The following MARCO variants were observed in gnomAD, a reference collection of about 807,000 sequenced individuals.
The protein encoded by MARCO is macrophage receptor MARCO.
Under a neutral mutation model 70.0 loss-of-function variants are expected in MARCO, and 72 were observed. The observed-to-expected ratio is 1.03, with a 90% CI of 0.85 to 1.25. The LOEUF is 1.25. Ranked by LOEUF, MARCO falls within the 50% of genes most tolerant of loss-of-function variation. The pLI is 0.00. For synonymous variants in MARCO, 273 were observed against 243.1 expected, an observed-to-expected ratio of 1.12 and a Z score of -1.14; for missense variants, 696 against 659.3, an observed-to-expected ratio of 1.06 and a Z score of -0.61.
intron 1 of MARCO, among the ~76,000 whole-genome samples, chr2:118,954,803 C>T (rs1199479349): frequency 6.6e-6 from 1 of 152,026 alleles, no homozygotes; most frequent in Non-Finnish European, 1.5e-5. Context: ...GGTGACTAGA[C>T]CCAGAAGAGA....
At chr2:118,960,566 G>A (rs76048532) in intron 1 of MARCO, among the ~76,000 whole-genome samples, 1 of 151,916 alleles carries the variant, frequency 6.6e-6, no homozygotes, top group Admixed American at 6.6e-5. Flanking sequence ...CTAATTTTAT[G>A]GTTTTTCTTC....
intron 1 of MARCO, among the ~76,000 whole-genome samples, chr2:118,964,903 A>G (rs983665215): frequency 3.4e-5 from 5 of 148,818 alleles, no homozygotes; most frequent in Middle Eastern, 3.3e-3. Flanking sequence ...AAAAAAAAAA[A>G]GTATTCCTTT....
chr2:118,961,837 T>C (rs987257056), intron 1 of MARCO, among the ~76,000 whole-genome samples: 3 of 152,172 alleles, frequency 2.0e-5, no homozygotes, highest in Non-Finnish European at 4.4e-5. Context: ...TCTTCCAGGG[T>C]TTTTATAGTT....
At chr2:118,976,149 G>A (rs962556314) in intron 6 of MARCO, among the ~76,000 whole-genome samples, 4 of 152,164 alleles carry the variant, frequency 2.6e-5, no homozygotes, top group Non-Finnish European at 4.4e-5. Flanking sequence ...CTTCTCTTTA[G>A]GACTCTGACA....
At chr2:118,953,182 T>C (rs1484523465) in intron 1 of MARCO, among the ~76,000 whole-genome samples, 1 of 152,088 alleles carries the variant, frequency 6.6e-6, no homozygotes, top group Non-Finnish European at 1.5e-5. Flanking sequence ...AAGGAAACAA[T>C]AACATTTCCA....
chr2:118,986,175 C>A (rs1203469622), intron 12 of MARCO, among the ~76,000 whole-genome samples: 1 of 152,136 alleles, frequency 6.6e-6, no homozygotes. Flanking sequence ...TTGCAGAAGT[C>A]TACACATACC....
At chr2:118,976,000 T>G (rs1680275526) in intron 6 of MARCO, among the ~76,000 whole-genome samples, 1 of 152,110 alleles carries the variant, frequency 6.6e-6, no homozygotes, top group South Asian at 2.1e-4. Context: ...TCCATCCTCT[T>G]TCCTCCGAGA....
Position 118,977,898 on chromosome 2 carries a change from T to C in MARCO, c.729T>C (p.Thr243=), listed in dbSNP as rs1680317222. 1 of 1,611,768 alleles carries C rather than the reference T, an allele frequency of 6.2e-7. No homozygotes were observed. The highest frequency in any genetic ancestry group is 8.5e-7 in the Non-Finnish European group (1 of 1,179,100). The part of the protein sequence containing the change: ...DGGLIGPKGE[T]GTKGEKGDLG... Reference sequence around the variant, plus strand: ...GTCTCATTGGCCCAAAAGGGGAAACTGGAACTAAGGGAGAGAAAGGAGACC... The same window carrying C: ...GTCTCATTGGCCCAAAAGGGGAAACCGGAACTAAGGGAGAGAAAGGAGACC... The change falls in exon 8 of 17, where the codon ACT becomes ACC. Residue 243 remains threonine, a synonymous_variant. Coordinates refer to ENST00000327097, the MANE Select transcript of MARCO (RefSeq NM_006770.4).
intron 12 of MARCO, among the ~76,000 whole-genome samples, chr2:118,986,927 G>A (rs559461635): frequency 6.6e-5 from 10 of 152,148 alleles, no homozygotes; most frequent in Admixed American, 5.2e-4. Flanking sequence ...GCTACTTGAC[G>A]TTGCTGAGCC....
At chr2:118,971,196 A>C (rs1027184043) in intron 3 of MARCO, among the ~76,000 whole-genome samples, 1 of 152,012 alleles carries the variant, frequency 6.6e-6, no homozygotes, top group African/African-American at 2.4e-5. Context: ...GACCAATACG[A>C]AGGGGTTCTA....
At position 118,972,102 on chromosome 2, in the gene MARCO, A is replaced by G. The variant is rs192452079; in HGVS notation, c.460+568A>G. Among the ~76,000 whole-genome samples, 612 of 152,320 alleles carry G rather than the reference A, an allele frequency of 4.0e-3. 1 individual carries two copies. Among genetic ancestry groups the G allele is most frequent in the Non-Finnish European group, 7.0e-3 (479 of 68,022 alleles). On this transcript the variant is annotated intron_variant, in intron 4 of 16. Transcript: ENST00000327097. ...GCCCCAGCCACTCACCTGTGTAGGAAGCAGTGGAGATAATCGACTCGCCTC... is the reference window on the plus strand; with the variant it reads ...GCCCCAGCCACTCACCTGTGTAGGAGGCAGTGGAGATAATCGACTCGCCTC...
At chr2:118,974,606 GT>G (rs746367485) in intron 6 of MARCO, 41 bp downstream of exon 6, 27 of 1,584,704 alleles carry the variant, frequency 1.7e-5, no homozygotes, top group Non-Finnish European at 2.1e-5. Context: ...TACACAGCAA[GT>G]TTCTCAGAGT....
intron 1 of MARCO, among the ~76,000 whole-genome samples, chr2:118,950,765 T>C (rs550820219): frequency 1.3e-5 from 2 of 152,002 alleles, no homozygotes; most frequent in South Asian, 2.1e-4. Flanking sequence ...ATTTACCATA[T>C]AACATTCCTT....
chr2:118,993,494 G>A (rs1680663671), intron 16 of MARCO, among the ~76,000 whole-genome samples, 194 bp downstream of exon 16: 1 of 152,318 alleles, frequency 6.6e-6, no homozygotes, highest in East Asian at 1.9e-4. Context: ...CAGAAAGATG[G>A]CCTGTCTTCT....
In MARCO at chr2:118,982,266, G is replaced by A. The variant is rs769862503; in HGVS notation, c.1000+12G>A. 3.7e-6 allele frequency: 6 copies of A among 1,611,626 alleles called. No homozygotes were observed. The highest frequency in any genetic ancestry group is 1.1e-5 in the South Asian group (1 of 91,026). On this transcript the variant is annotated intron_variant, in intron 11 of 16. Transcript: ENST00000327097. ...CCCTGGGCGAGCAGGTGAGGTCCTG[G>A]GTCCTATGGTGGGCACAGGGAGTGA...
At chr2:118,983,768 C>T (rs1012205550) in intron 12 of MARCO, among the ~76,000 whole-genome samples, 1 of 152,086 alleles carries the variant, frequency 6.6e-6, no homozygotes, top group Non-Finnish European at 1.5e-5. Context: ...GAGATGATTG[C>T]TTTCATCTCT....
At chr2:118,960,237 T>G (rs550981794) in intron 1 of MARCO, among the ~76,000 whole-genome samples, 7 of 152,262 alleles carry the variant, frequency 4.6e-5, no homozygotes, top group Middle Eastern at 3.4e-3. Flanking sequence ...CTTTCCAAAC[T>G]GTATGCCTTT....
Position 118,977,850 on chromosome 2 carries a change from G to T in MARCO, c.681G>T (p.Glu227Asp), listed in dbSNP as rs759181991. The T allele has an allele frequency of 2.0e-5, 33 of 1,613,010 alleles. No individual in the cohort carries two copies. The highest frequency in any genetic ancestry group is 2.8e-5 in the Non-Finnish European group (33 of 1,179,594). The change falls in exon 8 of 17, where the codon GAG (glutamate) becomes GAT (aspartate). Residue 227 changes from glutamate to aspartate, a missense_variant. Transcript: ENST00000327097. ...CAGGCACCCCAGGACCCCAAGGAGA[G>T]AAGGGCAGCAAAGGCGATGGGGGTC... ...GATGTPGPQG[E>D]KGSKGDGGLI...
chr2:118,959,277 C>G (rs1679896651), intron 1 of MARCO, among the ~76,000 whole-genome samples: 1 of 151,900 alleles, frequency 6.6e-6, no homozygotes. Context: ...ACAACAAACT[C>G]AAACAAATCA....
Sources: gnomAD v4.1 joint callset for allele counts (sites outside exome capture counted in the v4.1 genomes callset) on GRCh38, gnomAD v4.1.1 for gene constraint, MANE v1.5 for transcripts, NCBI Gene and HGNC (gene_info 2026-07-23, HGNC 2026-07-21) for gene names.